The following POLA1 variants were observed in gnomAD, a reference collection of about 807,000 sequenced individuals.
The protein encoded by POLA1 is DNA polymerase alpha 1, catalytic subunit.
A neutral mutation model predicts 124.0 loss-of-function variants in POLA1; 15 were observed. The ratio of observed to expected loss-of-function variants is 0.12; its 90% CI spans 0.08 to 0.19. The LOEUF is 0.19. Among genes scored for constraint, POLA1 ranks in the 10% least tolerant of loss-of-function variants. The pLI is 1.00. For missense variants in POLA1, 886 were observed against 1,103.4 expected, an observed-to-expected ratio of 0.80 and a Z score of 2.79; for synonymous variants, 408 against 389.4, an observed-to-expected ratio of 1.05 and a Z score of -0.56.
chrX:24,942,640 G>A (rs771949439), intron 36 of POLA1, among the ~76,000 whole-genome samples: 8 of 111,854 alleles, frequency 7.2e-5, no homozygotes, highest in East Asian at 2.8e-4. Context: ...TGAAAATTTC[G>A]TCTAAAAGTG....
chrX:24,978,307 G>A (rs2147284536), intron 36 of POLA1, among the ~76,000 whole-genome samples: 1 of 111,866 alleles, frequency 8.9e-6, no homozygotes, highest in Admixed American at 9.4e-5. Context: ...CCACTTCTGT[G>A]TGTACTATCC....
chrX:24,714,547 C>T lies in POLA1; in HGVS notation c.347-7C>T, dbSNP rs1290145759. ...TGCATGTTTCTAAATAATTCATATTCCAATAGGAAAAGATGGTAAAGCACG... is the reference window on the plus strand; with the variant it reads ...TGCATGTTTCTAAATAATTCATATTTCAATAGGAAAAGATGGTAAAGCACG... On this transcript the variant is annotated splice_region_variant and splice_polypyrimidine_tract_variant and intron_variant, in intron 4 of 36. Transcript: ENST00000379068. The T allele has an allele frequency of 1.8e-6, 2 of 1,106,298 alleles. No homozygotes were observed. 91.2% of individuals were successfully genotyped at this position (1,106,298 alleles called of 1,213,427 possible).
chrX:24,984,711 G>A, intron 36 of POLA1, among the ~76,000 whole-genome samples: 1 of 99,671 alleles, frequency 1.0e-5, no homozygotes. Flanking sequence ...CCAGGCTGGA[G>A]TGCAGTGGCG....
intron 35 of POLA1, among the ~76,000 whole-genome samples, chrX:24,889,627 T>G (rs2047116667): frequency 2.7e-5 from 3 of 112,301 alleles, no homozygotes; most frequent in Non-Finnish European, 5.6e-5. Flanking sequence ...TATAATCAAG[T>G]TTTGACTTCA....
intron 26 of POLA1, among the ~76,000 whole-genome samples, chrX:24,793,731 C>T (rs1035191253): frequency 9.1e-6 from 1 of 109,596 alleles, no homozygotes; most frequent in Non-Finnish European, 1.9e-5. Context: ...ATTACAGGTG[C>T]CTACCACCAT....
intron 35 of POLA1, among the ~76,000 whole-genome samples, chrX:24,927,504 TA>T (rs2047713012): frequency 9.0e-6 from 1 of 111,591 alleles, no homozygotes; most frequent in African/African-American, 3.3e-5. Context: ...GGCCCACCCT[TA>T]TTACTCTGGT....
intron 10 of POLA1, among the ~76,000 whole-genome samples, chrX:24,720,618 A>C (rs1031995207): frequency 8.9e-6 from 1 of 112,052 alleles, no homozygotes; most frequent in African/African-American, 3.2e-5. Flanking sequence ...CCACAAAGTA[A>C]ATACATCCAT....
At chrX:24,978,970 G>T (rs1178014252) in intron 36 of POLA1, among the ~76,000 whole-genome samples, 1 of 111,919 alleles carries the variant, frequency 8.9e-6, no homozygotes, top group Admixed American at 9.5e-5. Flanking sequence ...AATTTTATTA[G>T]CAGAGAACTA....
At chrX:24,720,228 C>T (rs183760601) in intron 10 of POLA1, among the ~76,000 whole-genome samples, 9 of 111,854 alleles carry the variant, frequency 8.0e-5, no homozygotes, top group Non-Finnish European at 1.5e-4. Flanking sequence ...TGGGAGTGTA[C>T]CTAAACCTCC....
chrX:24,694,066 G>A (rs1927797668), intron 1 of POLA1, 62 bp downstream of exon 1: 2 of 1,007,917 alleles, frequency 2.0e-6, no homozygotes, highest in Non-Finnish European at 2.7e-6. Context: ...GCCGGTGGTG[G>A]GGGTTCTGAG....
At chrX:24,803,387 G>C (rs1354966395) in intron 26 of POLA1, among the ~76,000 whole-genome samples, 1 of 111,298 alleles carries the variant, frequency 9.0e-6, no homozygotes, top group Non-Finnish European at 1.9e-5. Context: ...ACACAGGATA[G>C]CTCCTTATAA....
intron 32 of POLA1, among the ~76,000 whole-genome samples, chrX:24,834,847 GGTA>G (rs928932596): frequency 2.7e-5 from 3 of 110,220 alleles, no homozygotes. Flanking sequence ...ATATATATAT[GGTA>G]GTAGAGAATA....
At chrX:24,746,027 T>C (rs1371058365) in intron 24 of POLA1, among the ~76,000 whole-genome samples, 3 of 111,706 alleles carry the variant, frequency 2.7e-5, no homozygotes, top group African/African-American at 6.5e-5. Flanking sequence ...TGTATACACA[T>C]ACACCACATT....
chrX:24,886,042 A>G (rs770536518), intron 34 of POLA1, among the ~76,000 whole-genome samples: 1 of 112,180 alleles, frequency 8.9e-6, no homozygotes, highest in African/African-American at 3.2e-5. Flanking sequence ...TGACTCCAAA[A>G]CACTGATTGG....
Position 24,841,716 on chromosome X carries a change from T to C in POLA1, c.3801T>C (p.Leu1267=). ...AAGATGAAGAGAATGATGCTCTACT[T>C]GGTGGCCCAGCACAGCTCACTGATG... ...YHKDEENDAL[L]GGPAQLTDEE... Residue 1267 remains leucine, a synonymous_variant, in exon 33 of 37, where the codon CTT becomes CTC. Transcript: ENST00000379068. 2 of 1,190,068 alleles carry C rather than the reference T, an allele frequency of 1.7e-6. No individual in the cohort carries two copies. Among genetic ancestry groups the C allele is most frequent in the Non-Finnish European group, 2.3e-6 (2 of 878,197 alleles).
At chrX:24,931,097 G>A (rs773633178) in intron 36 of POLA1, among the ~76,000 whole-genome samples, 6 of 111,029 alleles carry the variant, frequency 5.4e-5, no homozygotes, top group East Asian at 5.7e-4. Context: ...CAAGACTTGC[G>A]GGCACTGTGG....
At chrX:24,944,935 G>A (rs1449788164) in intron 36 of POLA1, among the ~76,000 whole-genome samples, 3 of 112,007 alleles carry the variant, frequency 2.7e-5, no homozygotes, top group Non-Finnish European at 5.6e-5. Context: ...CCTTCTGCTA[G>A]CATTTGTTGA....
chrX:24,963,964 C>CT (rs753710343), intron 36 of POLA1, among the ~76,000 whole-genome samples: 7 of 111,462 alleles, frequency 6.3e-5, no homozygotes, highest in Non-Finnish European at 1.3e-4. Context: ...TGCCGTTACT[C>CT]TTAAGTTTTT....
At chrX:24,953,156 G>GT (rs2048067677) in intron 36 of POLA1, among the ~76,000 whole-genome samples, 1 of 111,692 alleles carries the variant, frequency 9.0e-6, no homozygotes, top group Non-Finnish European at 1.9e-5. Context: ...TTGAAACTTA[G>GT]GGCCAGCAGA....
Sources: gnomAD v4.1 joint callset for allele counts (sites outside exome capture counted in the v4.1 genomes callset) on GRCh38, gnomAD v4.1.1 for gene constraint, MANE v1.5 for transcripts, NCBI Gene and HGNC (gene_info 2026-07-23, HGNC 2026-07-21) for gene names.